The following ATR variants were observed in gnomAD, a reference collection of about 807,000 sequenced individuals.
The protein encoded by ATR is serine/threonine-protein kinase ATR.
ATR carries 142 observed loss-of-function variants against 305.3 expected under a neutral mutation model. The ratio of observed to expected loss-of-function variants is 0.47; its 90% CI spans 0.41 to 0.53. The LOEUF (loss-of-function observed/expected upper bound fraction) is 0.53, where lower values mean the gene tolerates loss of function less well. ATR is among the 20% of genes least tolerant of loss of function. The pLI, the probability that ATR is intolerant of heterozygous loss-of-function variation, is 0.00. For synonymous variants in ATR, 1,050 were observed against 1,068.1 expected, an observed-to-expected ratio of 0.98 and a Z score of 0.33; for missense variants, 2,135 against 3,133.1, an observed-to-expected ratio of 0.68 and a Z score of 7.60.
chr3:142,577,700 TCAAA>T (rs1355534681), intron 1 of ATR, among the ~76,000 whole-genome samples: 1 of 152,260 alleles, frequency 6.6e-6, no homozygotes, highest in Admixed American at 6.5e-5. Context: ...TGGAAAGTTT[TCAAA>T]CAGTTTAAGA....
At chr3:142,512,192 T>C (rs2032607650) in intron 27 of ATR, 68 bp downstream of exon 27, 2 of 1,284,450 alleles carry the variant, frequency 1.6e-6, no homozygotes, top group Middle Eastern at 2.0e-4. Context: ...ATAGAACTGA[T>C]AAAGGGAAGA....
intron 18 of ATR, 38 bp downstream of exon 18, chr3:142,540,864 CAA>C (rs201551475): frequency 3.3e-3 from 4,457 of 1,364,486 alleles, no homozygotes; most frequent in Admixed American, 4.7e-3. Flanking sequence ...CTGGAAAATG[CAA>C]AAAAAAAAAA....
intron 5 of ATR, 33 bp downstream of exon 5, chr3:142,561,210 G>A (rs1475930748): frequency 6.3e-7 from 1 of 1,598,324 alleles, no homozygotes; most frequent in Non-Finnish European, 8.6e-7. Context: ...TTTATTTAAT[G>A]GCTAAATACA....
intron 27 of ATR, among the ~76,000 whole-genome samples, chr3:142,508,413 A>G (rs770946507): frequency 6.6e-6 from 1 of 152,212 alleles, no homozygotes; most frequent in Non-Finnish European, 1.5e-5. Flanking sequence ...AGGATTAAAT[A>G]TCAATCTATT....
chr3:142,554,465 C>T lies in ATR; in HGVS notation c.2342-450G>A, dbSNP rs559507886. Among the ~76,000 whole-genome samples the T allele has an allele frequency of 5.3e-4, 80 of 152,280 alleles. No individual in the cohort carries two copies. The South Asian group carries it at 0.011, about 21-fold the overall frequency. On this transcript the variant is annotated intron_variant, in intron 10 of 46. Coordinates refer to ENST00000350721, the MANE Select transcript of ATR (RefSeq NM_001184.4). ...CTGGTCTCGAACACCTGAGCTCAGGCAATCCGCCTGTCTCGGCCTCCCGAA... is the reference window on the plus strand; with the variant it reads ...CTGGTCTCGAACACCTGAGCTCAGGTAATCCGCCTGTCTCGGCCTCCCGAA...
chr3:142,469,553 A>G lies in ATR; in HGVS notation c.6336T>C (p.Arg2112=). ...TACCCAAATCATTCCTCATTTGTAC[A>G]CGATCGGAGCGGCCAGCTGGGGGAA... ...YEWEKAGRSD[R]VQMRNDLGKI... is the part of the protein sequence containing the mutation. The change falls in exon 38 of 47, where the codon CGT becomes CGC. Residue 2112 remains arginine, a synonymous_variant. Transcript: ENST00000350721. 6.2e-7 allele frequency: 1 copy of G among 1,613,616 alleles called. No homozygotes were observed. Among genetic ancestry groups the G allele is most frequent in the Non-Finnish European group, 8.5e-7 (1 of 1,179,598 alleles).
At chr3:142,453,869 G>A (rs929423805) in intron 45 of ATR, among the ~76,000 whole-genome samples, 1 of 152,006 alleles carries the variant, frequency 6.6e-6, no homozygotes, top group African/African-American at 2.4e-5. Flanking sequence ...CCGTCTCTAC[G>A]GCCGTGACAC....
intron 15 of ATR, among the ~76,000 whole-genome samples, chr3:142,548,977 C>G (rs1374677454): frequency 1.3e-5 from 2 of 152,046 alleles, no homozygotes; most frequent in African/African-American, 4.8e-5. Context: ...TCATAGTTTT[C>G]CTGTTCCCAT....
chr3:142,541,924 C>T (rs1036407703), intron 17 of ATR, among the ~76,000 whole-genome samples: 2 of 151,748 alleles, frequency 1.3e-5, no homozygotes, highest in African/African-American at 2.4e-5. Context: ...AGCTTCCATT[C>T]GTAGGTGTTT....
chr3:142,464,761 G>A (rs1046195259), intron 41 of ATR, among the ~76,000 whole-genome samples: 3 of 152,114 alleles, frequency 2.0e-5, no homozygotes, highest in African/African-American at 7.2e-5. Context: ...TTCCAATTTG[G>A]GAAGATGAAA....
rs933664192 is a variant in ATR at position 142,508,125 on chromosome 3, A to T, written c.4853-16T>A. ...ACAGTAGATACTAGATCATAAAAAA[A>T]GTTGAGTAATTAAAGACTTATAAGA... On this transcript the variant is annotated splice_polypyrimidine_tract_variant and intron_variant, in intron 27 of 46. Coordinates refer to ENST00000350721, the MANE Select transcript of ATR (RefSeq NM_001184.4). 1.9e-6 allele frequency: 3 copies of T among 1,599,064 alleles called. No individual in the cohort carries two copies. Among genetic ancestry groups the T allele is most frequent in the Middle Eastern group, 3.3e-4 (2 of 6,002 alleles).
intron 44 of ATR, 113 bp downstream of exon 44, chr3:142,458,845 T>C: frequency 8.0e-7 from 1 of 1,250,126 alleles, no homozygotes; most frequent in African/African-American, 1.5e-5. Flanking sequence ...ATTCTCAGTA[T>C]AACTCAACTG....
Position 142,465,200 on chromosome 3 carries a change from G to T in ATR, c.6938C>A (p.Ser2313Tyr), listed in dbSNP as rs1446847444. Residue 2313 changes from serine to tyrosine, a missense_variant, in exon 41 of 47, where the codon TCT (serine) becomes TAT (tyrosine). Coordinates refer to ENST00000350721, the MANE Select transcript of ATR (RefSeq NM_001184.4). ...GAACTTTCCATCTGAGCCTTTTAAA[G>T]AAATCTTCTTTGGTTTCTGAAGAGA... ...LASLQKPKKI[S>Y]LKGSDGKFYI... 6.2e-7 allele frequency: 1 copy of T among 1,610,504 alleles called. No individual in the cohort carries two copies. The highest frequency in any genetic ancestry group is 8.5e-7 in the Non-Finnish European group (1 of 1,177,936).
intron 21 of ATR, among the ~76,000 whole-genome samples, chr3:142,528,984 A>G (rs1217355063): frequency 6.9e-6 from 1 of 144,616 alleles, no homozygotes; most frequent in Non-Finnish European, 1.5e-5. Context: ...CCCGGGTTCA[A>G]GCGATTCTCC....
intron 13 of ATR, 23 bp from the exon 14 acceptor site, chr3:142,550,325 G>T (rs761456681): frequency 6.2e-7 from 1 of 1,611,360 alleles, no homozygotes; most frequent in Non-Finnish European, 8.5e-7. Context: ...CCATTTTATT[G>T]TGAGTTTTCA....
chr3:142,576,953 T>C (rs771302544), intron 1 of ATR, among the ~76,000 whole-genome samples: 6 of 152,220 alleles, frequency 3.9e-5, no homozygotes, highest in Non-Finnish European at 8.8e-5. Flanking sequence ...GGAAACATTT[T>C]GGAAGAAAAG....
At chr3:142,556,202 G>C (rs2108472328) in intron 9 of ATR, 63 bp from the exon 10 acceptor site, 1 of 1,577,772 alleles carries the variant, frequency 6.3e-7, no homozygotes, top group Non-Finnish European at 8.6e-7. Flanking sequence ...AAATAGTCTT[G>C]CTTAATTTGG....
At position 142,480,692 on chromosome 3, in the gene ATR, C is replaced by A. The variant is rs188650202; in HGVS notation, c.6221+4448G>T. 5.9e-3 allele frequency among the ~76,000 whole-genome samples: 904 copies of A among 152,310 alleles called. 7 individuals are homozygous for A. The highest frequency in any genetic ancestry group is 9.7e-3 in the Non-Finnish European group (661 of 68,028). On this transcript the variant is annotated intron_variant, in intron 36 of 46. Transcript: ENST00000350721. Reference sequence around the variant, plus strand: ...TATGCCCTGCCCCCAGAGGTGGAGTCTACAGAGGCAGGCAGGCCTCCTTGA... The same window carrying A: ...TATGCCCTGCCCCCAGAGGTGGAGTATACAGAGGCAGGCAGGCCTCCTTGA...
chr3:142,572,372 CTTTTTTTTTTTTTT>C (rs11318957), intron 1 of ATR, among the ~76,000 whole-genome samples: 3 of 56,810 alleles, frequency 5.3e-5, no homozygotes, highest in South Asian at 7.3e-4. Context: ...CCCGGCCTGA[CTTTTTTTTTTTTTT>C]TTTTTTTTTT....
Sources: gnomAD v4.1 joint callset for allele counts (sites outside exome capture counted in the v4.1 genomes callset) on GRCh38, gnomAD v4.1.1 for gene constraint, MANE v1.5 for transcripts, NCBI Gene and HGNC (gene_info 2026-07-23, HGNC 2026-07-21) for gene names.